PTDSS2: variants seen among roughly 807,000 people sequenced by gnomAD.
The protein encoded by PTDSS2 is PSS-2.
Under a neutral mutation model 64.7 loss-of-function variants are expected in PTDSS2, and 41 were observed. The observed-to-expected ratio is 0.63, with a 90% CI of 0.49 to 0.82. The LOEUF is 0.82. PTDSS2 is among the 40% of genes least tolerant of loss of function. PTDSS2 has a pLI of 0.00. For missense variants in PTDSS2, 485 were observed against 650.0 expected, an observed-to-expected ratio of 0.75 and a Z score of 2.76; for synonymous variants, 297 against 277.8, an observed-to-expected ratio of 1.07 and a Z score of -0.69.
At chr11:450,214 C>T (rs1223806651), upstream of PTDSS2, 11 of 360,358 alleles carry the variant, frequency 3.1e-5, no homozygotes, top group Non-Finnish European at 5.4e-5. Flanking sequence ...TCCCAGCAAG[C>T]ACTGCGTCCA....
Position 461,301 on chromosome 11 carries a change from C to G in PTDSS2, c.284+1013C>G, listed in dbSNP as rs937179538. On this transcript the variant is annotated intron_variant, in intron 2 of 11. Transcript: ENST00000308020. This position sits in a 1 kb window ranked among gnomAD's most constrained non-coding sequence, Gnocchi z 4.2. ...GGGCGTTGGTGGCCCTGTTTGCCCA[C>G]TGATTTGACACCAGCCCTGTGGGCT... Among the ~76,000 whole-genome samples, 2 of 152,216 alleles carry G rather than the reference C, an allele frequency of 1.3e-5. No homozygotes were observed. The highest frequency in any genetic ancestry group is 4.8e-5 in the African/African-American group (2 of 41,440).
chr11:477,266 GC>G (rs1423516844), intron 3 of PTDSS2, among the ~76,000 whole-genome samples: 1 of 152,224 alleles, frequency 6.6e-6, no homozygotes, highest in Non-Finnish European at 1.5e-5. Flanking sequence ...ACTGAGGAGG[GC>G]ATCCCTCCTG....
upstream of PTDSS2, among the ~76,000 whole-genome samples, chr11:449,862 C>A (rs1235089888): frequency 6.6e-6 from 1 of 152,194 alleles, no homozygotes; most frequent in Non-Finnish European, 1.5e-5. Context: ...ACAGAAGAAT[C>A]GTTTGAATCC....
chr11:486,526 G>C (rs1014116661), intron 4 of PTDSS2, among the ~76,000 whole-genome samples: 2 of 152,176 alleles, frequency 1.3e-5, no homozygotes, highest in Admixed American at 1.3e-4. Context: ...CCTCCTCCAG[G>C]GTGACTGAGA....
At chr11:456,047 G>T (rs1410115841) in intron 1 of PTDSS2, among the ~76,000 whole-genome samples, 1 of 152,192 alleles carries the variant, frequency 6.6e-6, no homozygotes, top group African/African-American at 2.4e-5. Flanking sequence ...GCATGAAGGT[G>T]CCCTGGCCCG....
chr11:451,012 C>T (rs73385819), intron 1 of PTDSS2, among the ~76,000 whole-genome samples: 3 of 152,068 alleles, frequency 2.0e-5, no homozygotes, highest in African/African-American at 7.2e-5. Context: ...CTTTCTCTGT[C>T]CTGCTGTCGA....
At chr11:464,578 G>C (rs1435221355) in intron 2 of PTDSS2, among the ~76,000 whole-genome samples, 1 of 152,236 alleles carries the variant, frequency 6.6e-6, no homozygotes, top group African/African-American at 2.4e-5. Context: ...TGTGAACGCA[G>C]TTGCTCCTCC....
intron 2 of PTDSS2, among the ~76,000 whole-genome samples, chr11:466,401 CTTTTTTTT>C (rs1226254389): frequency 1.7e-5 from 2 of 120,800 alleles, no homozygotes; most frequent in East Asian, 2.5e-4. Flanking sequence ...AACTGCCACT[CTTTTTTTT>C]TTTTTTTTTT....
intron 1 of PTDSS2, among the ~76,000 whole-genome samples, chr11:453,741 T>G (rs1445403655): frequency 6.6e-6 from 1 of 152,214 alleles, no homozygotes; most frequent in Non-Finnish European, 1.5e-5. Flanking sequence ...GCGTGGCCTT[T>G]CCTTGGCCCT....
intron 4 of PTDSS2, chr11:480,163 A>T (rs1303133327): frequency 1.3e-5 from 2 of 153,588 alleles, no homozygotes; most frequent in African/African-American, 2.4e-5. Context: ...CCCACCCTGC[A>T]CAGTGCCTCT....
At chr11:490,099 A>G in intron 11 of PTDSS2, 31 bp downstream of exon 11, 8 of 1,577,018 alleles carry the variant, frequency 5.1e-6, no homozygotes, top group Non-Finnish European at 6.9e-6. Flanking sequence ...TATGTTCTGA[A>G]GGAGGGCCGC....
At chr11:487,319 C>A in intron 5 of PTDSS2, 101 bp from the exon 6 acceptor site, 1 of 1,176,948 alleles carries the variant, frequency 8.5e-7, no homozygotes, top group Non-Finnish European at 1.3e-6. Context: ...GCCTTCTTCC[C>A]GGGGTCTGGC....
chr11:464,951 A>G (rs1052602283), intron 2 of PTDSS2, among the ~76,000 whole-genome samples: 5 of 152,196 alleles, frequency 3.3e-5, no homozygotes, highest in African/African-American at 1.2e-4. Context: ...CAATTTCAAG[A>G]CTTCCTGTCA....
chr11:485,818 C>A (rs868412523), intron 4 of PTDSS2, among the ~76,000 whole-genome samples: 1 of 70,970 alleles, frequency 1.4e-5, no homozygotes, highest in African/African-American at 6.2e-5. Context: ...AGTGCACGGG[C>A]GCGCGTGTGC....
intron 3 of PTDSS2, among the ~76,000 whole-genome samples, chr11:474,308 G>A (rs1213188497): frequency 6.6e-6 from 1 of 152,004 alleles, no homozygotes; most frequent in Non-Finnish European, 1.5e-5. Context: ...TGAGGCCGGG[G>A]GCAGGTGGGT....
intron 1 of PTDSS2, among the ~76,000 whole-genome samples, chr11:452,761 C>T (rs1263798896): frequency 6.6e-6 from 1 of 152,200 alleles, no homozygotes; most frequent in Non-Finnish European, 1.5e-5. Context: ...TCAATGCCTG[C>T]CTGGTGAGAA....
intron 2 of PTDSS2, among the ~76,000 whole-genome samples, chr11:467,443 AC>A (rs1429114585): frequency 2.0e-5 from 3 of 152,148 alleles, no homozygotes; most frequent in Non-Finnish European, 4.4e-5. Flanking sequence ...AGTTTCACAG[AC>A]TCTCACAGAA....
intron 11 of PTDSS2, 22 bp downstream of exon 11, chr11:490,090 A>C (rs749105363): frequency 1.3e-6 from 2 of 1,589,114 alleles, no homozygotes; most frequent in Non-Finnish European, 1.7e-6. Context: ...CAGGGCGCGT[A>C]TGTTCTGAAG....
At chr11:468,937 A>G (rs1274670287) in intron 2 of PTDSS2, among the ~76,000 whole-genome samples, 21 of 135,690 alleles carry the variant, frequency 1.5e-4, no homozygotes, top group African/African-American at 5.6e-4. Context: ...GGGTAATCGG[A>G]GAAAGAGGGG....
Sources: gnomAD v4.1 joint callset for allele counts (sites outside exome capture counted in the v4.1 genomes callset) on GRCh38, gnomAD v4.1.1 for gene constraint, Gnocchi (gnomAD v3.1) non-coding constraint, MANE v1.5 for transcripts, NCBI Gene and HGNC (gene_info 2026-07-23, HGNC 2026-07-21) for gene names.